The following RNF220 variants were observed in gnomAD, a reference collection of about 807,000 sequenced individuals.
RNF220 encodes the protein E3 ubiquitin-protein ligase RNF220.
RNF220 carries 7 observed loss-of-function variants against 67.1 expected under a neutral mutation model. That is an observed-to-expected ratio of 0.10 (90% CI 0.06 to 0.20). The LOEUF (loss-of-function observed/expected upper bound fraction) is 0.20. Ranked by LOEUF, RNF220 falls within the 10% of genes least tolerant of loss-of-function variation. The pLI is 1.00. For missense variants in RNF220, 565 were observed against 740.3 expected, an observed-to-expected ratio of 0.76 and a Z score of 2.75; for synonymous variants, 270 against 283.2, an observed-to-expected ratio of 0.95 and a Z score of 0.47.
chr1:44,493,455 G>C (rs1039507446), intron 2 of RNF220, among the ~76,000 whole-genome samples: 1 of 151,950 alleles, frequency 6.6e-6, no homozygotes, highest in African/African-American at 2.4e-5. Flanking sequence ...TGGAGGTTGC[G>C]GTGAGCCAAG....
intron 2 of RNF220, among the ~76,000 whole-genome samples, chr1:44,517,698 A>G (rs1659565744): frequency 6.6e-6 from 1 of 152,234 alleles, no homozygotes; most frequent in South Asian, 2.1e-4. Flanking sequence ...AACACTGTGC[A>G]CAGCACTGAG....
At chr1:44,648,249 C>G (rs1644701852) in intron 12 of RNF220, 1 of 152,234 alleles carries the variant, frequency 6.6e-6, no homozygotes, top group African/African-American at 2.4e-5. Flanking sequence ...GCTACTTAAT[C>G]TTTCTGTGCT....
intron 12 of RNF220, among the ~76,000 whole-genome samples, chr1:44,647,594 G>A (rs919826166): frequency 2.0e-5 from 3 of 152,138 alleles, no homozygotes; most frequent in African/African-American, 7.2e-5. Flanking sequence ...GGATTTAAGT[G>A]TCCCTGATAC....
intron 7 of RNF220, 123 bp downstream of exon 7, chr1:44,635,711 C>T (rs1297048736): frequency 1.3e-6 from 2 of 1,534,544 alleles, no homozygotes; most frequent in African/African-American, 1.4e-5. Context: ...GCTCCCTTCC[C>T]CCGACACTAG....
At chr1:44,466,631 G>A (rs760420620) in intron 2 of RNF220, among the ~76,000 whole-genome samples, 3 of 152,166 alleles carry the variant, frequency 2.0e-5, no homozygotes, top group Admixed American at 6.5e-5. Context: ...TTGTGTTAGC[G>A]GGCATGAAAA....
intron 2 of RNF220, among the ~76,000 whole-genome samples, chr1:44,575,934 T>C (rs1175407160): frequency 6.6e-6 from 1 of 152,254 alleles, no homozygotes; most frequent in Non-Finnish European, 1.5e-5. Flanking sequence ...CTGTGTGACA[T>C]GCTCCATAAT....
At position 44,636,083 on chromosome 1, in the gene RNF220, C is replaced by T. The variant is rs1431046738; in HGVS notation, c.1047C>T (p.Asn349=). 1.2e-6 allele frequency: 2 copies of T among 1,614,060 alleles called. No homozygotes were observed. Among genetic ancestry groups the T allele is most frequent in the South Asian group, 1.1e-5 (1 of 91,088 alleles). ...ATGCTGTGGACATCGAGCATGAGAA[C>T]AACAACCGCTTTGAGGAGTATGAGT... ...EDDAVDIEHE[N]NNRFEEYEWC... The change falls in exon 8 of 15, where the codon AAC becomes AAT. Residue 349 remains asparagine (N), a synonymous_variant. Coordinates refer to ENST00000361799, the MANE Select transcript of RNF220 (RefSeq NM_018150.4).
chr1:44,587,790 T>C (rs557470226), intron 2 of RNF220, among the ~76,000 whole-genome samples: 1 of 152,340 alleles, frequency 6.6e-6, no homozygotes, highest in African/African-American at 2.4e-5. Context: ...ACAGGGGCAG[T>C]GTTAAGGATT....
At chr1:44,501,484 C>A (rs890081859) in intron 2 of RNF220, among the ~76,000 whole-genome samples, 13 of 152,156 alleles carry the variant, frequency 8.5e-5, no homozygotes, top group African/African-American at 1.9e-4. Flanking sequence ...GAGGAGCAGG[C>A]GTCCCATTTC....
At chr1:44,582,012 C>T (rs1367277689) in intron 2 of RNF220, among the ~76,000 whole-genome samples, 1 of 152,228 alleles carries the variant, frequency 6.6e-6, no homozygotes, top group Non-Finnish European at 1.5e-5. Flanking sequence ...CTGGCCAGCA[C>T]TCACCTTGGG....
At chr1:44,471,680 C>T (rs1370182468) in intron 2 of RNF220, among the ~76,000 whole-genome samples, 1 of 152,110 alleles carries the variant, frequency 6.6e-6, no homozygotes, top group Non-Finnish European at 1.5e-5. Context: ...AAAAAATTGG[C>T]TGGGCGTGGT....
At chr1:44,427,716 C>T (rs1468702043) in intron 2 of RNF220, among the ~76,000 whole-genome samples, 1 of 152,146 alleles carries the variant, frequency 6.6e-6, no homozygotes, top group African/African-American at 2.4e-5. Context: ...CCTCCATTTC[C>T]TCAGGATAAA....
chr1:44,406,536 C>T (rs1277187587), intron 1 of RNF220, among the ~76,000 whole-genome samples: 2 of 152,254 alleles, frequency 1.3e-5, no homozygotes, highest in Non-Finnish European at 1.5e-5. Flanking sequence ...AATTTCTCTT[C>T]TGACTTAAGA....
In RNF220 at chr1:44,538,656, C is replaced by G. The variant is rs1558023465; in HGVS notation, c.626-75509C>G. ...TCTGGCCAAGCGCAGTGGCTCATGC[C>G]TGTAATCCCAGCTCTTTGGGAGGCC... On this transcript the variant is annotated intron_variant, in intron 2 of 14. Coordinates refer to ENST00000361799, the MANE Select transcript of RNF220 (RefSeq NM_018150.4). Among the ~76,000 whole-genome samples the G allele has an allele frequency of 2.6e-5, 4 of 152,188 alleles. No homozygotes were observed. The South Asian group carries it at 8.3e-4, about 32-fold the overall frequency.
chr1:44,405,897 T>C (rs1647281123), intron 1 of RNF220, among the ~76,000 whole-genome samples: 1 of 152,208 alleles, frequency 6.6e-6, no homozygotes, highest in Admixed American at 6.5e-5. Flanking sequence ...AGGACTTCTT[T>C]TCTCCGTCTC....
chr1:44,605,754 T>C (rs779502979), intron 2 of RNF220, among the ~76,000 whole-genome samples: 1 of 152,160 alleles, frequency 6.6e-6, no homozygotes, highest in Non-Finnish European at 1.5e-5. Context: ...TCCTAAAGGA[T>C]GAGGAAGAGT....
At chr1:44,637,283 T>G (rs1644356973) in intron 8 of RNF220, among the ~76,000 whole-genome samples, 1 of 152,228 alleles carries the variant, frequency 6.6e-6, no homozygotes, top group Non-Finnish European at 1.5e-5. Context: ...ATTACCCAGG[T>G]GTTTGGGGGC....
intron 2 of RNF220, among the ~76,000 whole-genome samples, chr1:44,461,417 G>T (rs968386189): frequency 6.6e-6 from 1 of 152,108 alleles, no homozygotes; most frequent in Non-Finnish European, 1.5e-5. Context: ...CTTGTTTTCC[G>T]TCTGAGTTCA....
chr1:44,505,986 C>T (rs1051948706), intron 2 of RNF220, among the ~76,000 whole-genome samples: 20 of 152,112 alleles, frequency 1.3e-4, no homozygotes, highest in African/African-American at 4.6e-4. Flanking sequence ...GCCCATCATA[C>T]CCCCTTATTT....
Sources: gnomAD v4.1 joint callset for allele counts (sites outside exome capture counted in the v4.1 genomes callset) on GRCh38, gnomAD v4.1.1 for gene constraint, MANE v1.5 for transcripts, NCBI Gene and HGNC (gene_info 2026-07-23, HGNC 2026-07-21) for gene names.